The following FBXO36 variants were observed in gnomAD, a reference collection of about 807,000 sequenced individuals.
The protein encoded by FBXO36 is F-box only protein 36.
FBXO36 carries 18 observed loss-of-function variants against 17.0 expected under a neutral mutation model. That is an observed-to-expected ratio of 1.06 (90% CI 0.73 to 1.57). The LOEUF is 1.57. Among genes scored for constraint, FBXO36 ranks in the 40% most tolerant of loss-of-function variants. FBXO36 has a pLI of 0.00. For missense variants in FBXO36, 229 were observed against 221.9 expected (o/e 1.03, Z -0.20); for synonymous variants, 83 against 85.3 (o/e 0.97, Z 0.15).
chr2:229,951,181 C>G (rs1026546744), intron 1 of FBXO36, among the ~76,000 whole-genome samples: 8 of 152,124 alleles, frequency 5.3e-5, no homozygotes, highest in Non-Finnish European at 8.8e-5. Flanking sequence ...TATCCACCCA[C>G]CTCAGCCTCC....
At chr2:230,005,874 G>T (rs2077384603) in intron 3 of FBXO36, among the ~76,000 whole-genome samples, 1 of 151,878 alleles carries the variant, frequency 6.6e-6, no homozygotes, top group African/African-American at 2.4e-5. Flanking sequence ...CACCATTTTG[G>T]CCAGGCTGAT....
At chr2:229,976,574 A>G in intron 2 of FBXO36, 1 of 357,912 alleles carries the variant, frequency 2.8e-6, no homozygotes, top group Non-Finnish European at 5.1e-6. Flanking sequence ...TAATCCCAAC[A>G]CTTTGGGAGG....
intron 2 of FBXO36, among the ~76,000 whole-genome samples, chr2:229,984,100 A>G (rs2077254750): frequency 6.6e-6 from 1 of 152,166 alleles, no homozygotes; most frequent in Non-Finnish European, 1.5e-5. Flanking sequence ...CTGTAATCCC[A>G]GCACTTTGGG....
intron 2 of FBXO36, among the ~76,000 whole-genome samples, chr2:229,989,457 A>G (rs188374467): frequency 6.4e-4 from 98 of 152,084 alleles, no homozygotes; most frequent in Admixed American, 1.2e-3. Flanking sequence ...GGGTTTCTCC[A>G]TGTTGGTCAG....
intron 1 of FBXO36, among the ~76,000 whole-genome samples, chr2:229,970,778 G>GTAACATAGA (rs2077176367): frequency 6.6e-6 from 1 of 152,014 alleles, no homozygotes; most frequent in South Asian, 2.1e-4. Flanking sequence ...ATATTCACGG[G>GTAACATAGA]TAACATAGAT....
Position 230,011,106 on chromosome 2 carries a change from G to A in FBXO36, c.*222G>A, listed in dbSNP as rs1207209602. On this transcript the variant is annotated 3_prime_UTR_variant, in exon 4 of 4. Transcript: ENST00000283946. ...AGGTCAAATCATGGCCCGAGGACAAGGGCTGTAAGACAGGGAGCCCCATAG... is the reference window on the plus strand; with the variant it reads ...AGGTCAAATCATGGCCCGAGGACAAAGGCTGTAAGACAGGGAGCCCCATAG... 4.1e-6 allele frequency: 2 copies of A among 491,278 alleles called. No individual in the cohort carries two copies. Among genetic ancestry groups the A allele is most frequent in the Non-Finnish European group, 7.3e-6 (2 of 275,378 alleles). 30.4% of individuals were successfully genotyped at this position (491,278 alleles called of 1,614,324 possible).
intron 1 of FBXO36, among the ~76,000 whole-genome samples, chr2:229,969,068 A>C (rs538496068): frequency 6.6e-6 from 1 of 152,224 alleles, no homozygotes; most frequent in African/African-American, 2.4e-5. Flanking sequence ...GGCTCAAATT[A>C]TCTTAAATTT....
At chr2:229,927,612 G>A (rs944032383) in intron 1 of FBXO36, among the ~76,000 whole-genome samples, 1 of 152,140 alleles carries the variant, frequency 6.6e-6, no homozygotes, top group Non-Finnish European at 1.5e-5. Flanking sequence ...CCAGGTGGTT[G>A]TCCGAAGAGC....
At chr2:229,942,231 C>T (rs1006918046) in intron 1 of FBXO36, among the ~76,000 whole-genome samples, 8 of 152,084 alleles carry the variant, frequency 5.3e-5, no homozygotes, top group Non-Finnish European at 1.2e-4. Flanking sequence ...TAGGAGGCAG[C>T]GTCCTTCCCC....
intron 1 of FBXO36, among the ~76,000 whole-genome samples, chr2:229,954,783 G>A (rs1291321127): frequency 2.7e-5 from 4 of 149,990 alleles, no homozygotes; most frequent in Non-Finnish European, 5.9e-5. Flanking sequence ...TCCTGACCTC[G>A]TGATCCGCCT....
At chr2:229,928,469 T>C (rs527991130) in intron 1 of FBXO36, among the ~76,000 whole-genome samples, 9 of 152,304 alleles carry the variant, frequency 5.9e-5, no homozygotes, top group African/African-American at 2.2e-4. Context: ...ATTTTTATAA[T>C]CAGAGAAAAG....
chr2:229,930,357 A>G (rs2076932935), intron 1 of FBXO36, among the ~76,000 whole-genome samples: 1 of 152,000 alleles, frequency 6.6e-6, no homozygotes. Context: ...AAAAATAATT[A>G]CTTTCCTCAT....
At chr2:229,962,932 C>T (rs1408899062) in intron 1 of FBXO36, among the ~76,000 whole-genome samples, 1 of 152,152 alleles carries the variant, frequency 6.6e-6, no homozygotes, top group African/African-American at 2.4e-5. Flanking sequence ...CCATCTTGGC[C>T]TCCCAAAGTG....
intron 2 of FBXO36, among the ~76,000 whole-genome samples, chr2:229,981,480 C>G (rs555106239): frequency 6.6e-6 from 1 of 151,500 alleles, no homozygotes; most frequent in Non-Finnish European, 1.5e-5. Flanking sequence ...CAGGCTTAAG[C>G]GGATCACTTG....
At chr2:229,991,005 C>T (rs886859222) in intron 2 of FBXO36, among the ~76,000 whole-genome samples, 2 of 151,134 alleles carry the variant, frequency 1.3e-5, no homozygotes, top group African/African-American at 4.9e-5. Context: ...TGCAGTGGTG[C>T]AATCTAGGCT....
chr2:229,987,827 C>T (rs992219738), intron 2 of FBXO36, among the ~76,000 whole-genome samples: 3 of 151,916 alleles, frequency 2.0e-5, no homozygotes, highest in Admixed American at 6.6e-5. Flanking sequence ...CACTATGGTG[C>T]GCAGGCTGGT....
intron 2 of FBXO36, among the ~76,000 whole-genome samples, chr2:229,982,386 C>T (rs1057174051): frequency 4.6e-5 from 7 of 152,126 alleles, no homozygotes; most frequent in Non-Finnish European, 1.0e-4. Flanking sequence ...AGGCATCACT[C>T]TCACCTTGCC....
intron 1 of FBXO36, among the ~76,000 whole-genome samples, chr2:229,944,028 A>G (rs1226882467): frequency 1.3e-5 from 2 of 152,118 alleles, no homozygotes; most frequent in African/African-American, 4.8e-5. Context: ...CTGGCCACGT[A>G]AGACGGGGCC....
chr2:229,936,300 A>G (rs895612151), intron 1 of FBXO36, among the ~76,000 whole-genome samples: 20 of 152,164 alleles, frequency 1.3e-4, no homozygotes, highest in African/African-American at 4.6e-4. Flanking sequence ...TCACAGTTCT[A>G]TCCTACAACT....
Sources: gnomAD v4.1 joint callset for allele counts (sites outside exome capture counted in the v4.1 genomes callset) on GRCh38, gnomAD v4.1.1 for gene constraint, MANE v1.5 for transcripts, NCBI Gene and HGNC (gene_info 2026-07-23, HGNC 2026-07-21) for gene names.